IFNAR1: variants seen among roughly 807,000 people sequenced by gnomAD.
The protein encoded by IFNAR1 is interferon alpha/beta receptor 1.
Under a neutral mutation model 62.1 loss-of-function variants are expected in IFNAR1, and 47 were observed. That is an observed-to-expected ratio of 0.76 (90% CI 0.60 to 0.97). The LOEUF is 0.97. Among genes scored for constraint, IFNAR1 ranks in the 50% least tolerant of loss-of-function variants. The pLI, the probability that IFNAR1 is intolerant of heterozygous loss-of-function variation, is 0.00. For synonymous variants in IFNAR1, 219 were observed against 226.9 expected (o/e 0.97, Z 0.31); for missense variants, 638 against 654.5 (o/e 0.97, Z 0.27).
rs2083441997 is a variant in IFNAR1 at position 33,355,765 on chromosome 21, C to T, written c.*216C>T. On this transcript the variant is annotated 3_prime_UTR_variant, in exon 11 of 11. Coordinates refer to ENST00000270139, the MANE Select transcript of IFNAR1 (RefSeq NM_000629.3). Reference sequence around the variant, plus strand: ...GGGCACGGTGGCTCACACCTGTAATCCCAGCACTTTGGGAGGCTGAGGCAG... The same window carrying T: ...GGGCACGGTGGCTCACACCTGTAATTCCAGCACTTTGGGAGGCTGAGGCAG... The T allele has an allele frequency of 7.9e-6, 2 of 254,742 alleles. No individual in the cohort carries two copies. The highest frequency in any genetic ancestry group is 1.0e-4 in the Admixed American group (2 of 19,658). The allele number at this position is 254,742 out of a possible 1,614,324, so 15.8% of individuals were successfully genotyped here.
chr21:33,343,259 T>C lies in IFNAR1; in HGVS notation c.377-9T>C. 6.2e-7 allele frequency: 1 copy of C among 1,606,434 alleles called. No homozygotes were observed. Among genetic ancestry groups the C allele is most frequent in the South Asian group, 1.1e-5 (1 of 89,410 alleles). Reference sequence around the variant, plus strand: ...AAGTTCCATAGTAATTGTTTTGATTTTTTTGCAGCTCAGATTGGTCCTCCA... The same window carrying C: ...AAGTTCCATAGTAATTGTTTTGATTCTTTTGCAGCTCAGATTGGTCCTCCA... On this transcript the variant is annotated splice_polypyrimidine_tract_variant and intron_variant, in intron 3 of 10. Transcript: ENST00000270139.
At position 33,352,878 on chromosome 21, in the gene IFNAR1, A is replaced by C. The variant is rs746291558; in HGVS notation, c.1264A>C (p.Ser422Arg). 126 of 1,601,706 alleles carry C rather than the reference A, an allele frequency of 7.9e-5. 2 individuals are homozygous for C. In the South Asian group the frequency reaches 1.3e-3, roughly 17 times the overall value. The change falls in exon 9 of 11, where the codon AGT becomes CGT. Residue 422 changes from serine (S) to arginine (R), a missense_variant. Physicochemically the swap from Ser to Arg is moderately radical, Grantham distance 110. Transcript: ENST00000270139. ...AAAGCTGAATAAAAGCAGTGTTTTT[A>C]GTGACGCTGTATGTGAGAAAACAAA... ...DEKLNKSSVF[S>R]DAVCEKTKPG...
At chr21:33,325,226 C>G in intron 1 of IFNAR1, 95 bp downstream of exon 1, 1 of 1,083,520 alleles carries the variant, frequency 9.2e-7, no homozygotes, top group South Asian at 1.3e-5. Context: ...CGACAGACGC[C>G]CAGTCTGGGA....
In IFNAR1 at chr21:33,333,614, A is replaced by ATTTTTTTTTT. The variant is rs59240203; in HGVS notation, c.77-1908_77-1899dup. On this transcript the variant is annotated intron_variant, in intron 1 of 10. Transcript: ENST00000270139. ...CCATACTTAAAGAGACTGGCGGAATATTTTTTTTTTTCTTTTTTTTTTTTT... is the reference window on the plus strand; with the variant it reads ...CCATACTTAAAGAGACTGGCGGAATATTTTTTTTTTTTTTTTTTTTTCTTTTTTTTTTTTT... Among the ~76,000 whole-genome samples the ATTTTTTTTTT allele has an allele frequency of 2.4e-4, 26 of 106,966 alleles. 1 individual carries two copies. Among genetic ancestry groups the ATTTTTTTTTT allele is most frequent in the African/African-American group, 6.6e-4 (16 of 24,418 alleles). 70.2% of individuals were successfully genotyped at this position (106,966 alleles called of 152,430 possible). A position where few individuals can be genotyped will look rare whatever the true frequency, so the allele number is the denominator to read the frequency against.
chr21:33,338,012 A>G (rs1341985107), intron 2 of IFNAR1, among the ~76,000 whole-genome samples: 1 of 152,210 alleles, frequency 6.6e-6, no homozygotes, highest in Non-Finnish European at 1.5e-5. Context: ...TTTGCAAAAT[A>G]TGCATCCAAC....
chr21:33,349,404 C>T lies in IFNAR1; in HGVS notation c.1004C>T (p.Pro335Leu), dbSNP rs1379540543. ...DTEIQAFLLP[P>L]VFNIRSLSDS... ...TTTTTTCTAGCTTTCCTACTTCCTC[C>T]AGTCTTTAACATTAGATCCCTTAGT... is the stretch of plus-strand genomic sequence containing the variant. The change falls in exon 8 of 11, where the codon CCA (proline) becomes CTA (leucine). Residue 335 changes from proline to leucine, a missense_variant. Coordinates refer to ENST00000270139, the MANE Select transcript of IFNAR1 (RefSeq NM_000629.3). 4.4e-6 allele frequency: 7 copies of T among 1,593,502 alleles called. No individual in the cohort carries two copies. Among genetic ancestry groups the T allele is most frequent in the Non-Finnish European group, 8.5e-7 (1 of 1,173,248 alleles).
upstream of IFNAR1, chr21:33,324,520 C>G (rs1366308172): frequency 6.4e-6 from 1 of 156,904 alleles, no homozygotes; most frequent in Non-Finnish European, 1.4e-5. Flanking sequence ...AGCAAGCGCC[C>G]CGGGCGGAGA....
At chr21:33,348,822 A>T (rs1435874011) in intron 6 of IFNAR1, among the ~76,000 whole-genome samples, 2 of 152,166 alleles carry the variant, frequency 1.3e-5, no homozygotes, top group East Asian at 1.9e-4. Context: ...GCCAAAAAAA[A>T]TAAACCAGCT....
intron 2 of IFNAR1, among the ~76,000 whole-genome samples, chr21:33,340,505 T>C (rs1459665270): frequency 1.3e-5 from 2 of 151,588 alleles, no homozygotes; most frequent in African/African-American, 2.4e-5. Context: ...ACTGTGGGCA[T>C]GTGCCACCAT....
intron 2 of IFNAR1, among the ~76,000 whole-genome samples, chr21:33,336,006 C>G (rs2083230976): frequency 6.8e-6 from 1 of 146,870 alleles, no homozygotes; most frequent in South Asian, 2.2e-4. Flanking sequence ...ATGTGCCATG[C>G]TGGTGCGCTG....
intron 10 of IFNAR1, among the ~76,000 whole-genome samples, chr21:33,354,198 C>T (rs749194974): frequency 9.9e-5 from 15 of 152,084 alleles, no homozygotes; most frequent in Admixed American, 6.6e-4. Context: ...TAAAATTAGC[C>T]GGGCGTGGTG....
At chr21:33,334,605 C>T (rs1244931127) in intron 1 of IFNAR1, 2 of 616,830 alleles carry the variant, frequency 3.2e-6, no homozygotes, top group Non-Finnish European at 6.2e-6. Flanking sequence ...AATGAAAGGG[C>T]ACTAGACAGA....
rs59240203 is a variant in IFNAR1 at position 33,333,614 on chromosome 21, A to ATTTTTTTTTTTTTTTTTTTTT, written c.77-1899_77-1898insTTTTTTTTTTTTTTTTTTTTT. 1.7e-3 allele frequency among the ~76,000 whole-genome samples: 179 copies of ATTTTTTTTTTTTTTTTTTTTT among 106,950 alleles called. 17 individuals carry two copies. The highest frequency in any genetic ancestry group is 5.1e-3 in the African/African-American group (125 of 24,416). 70.2% of individuals were successfully genotyped at this position (106,950 alleles called of 152,430 possible). On this transcript the variant is annotated intron_variant, in intron 1 of 10. Coordinates refer to ENST00000270139, the MANE Select transcript of IFNAR1 (RefSeq NM_000629.3). ...CCATACTTAAAGAGACTGGCGGAAT[A>ATTTTTTTTTTTTTTTTTTTTT]TTTTTTTTTTTCTTTTTTTTTTTTT...
rs771309834 is a variant in IFNAR1, at chr21:33,353,780, T to A, written c.1437T>A (p.Asp479Glu). 13 of 1,558,764 alleles carry A rather than the reference T, an allele frequency of 8.3e-6. No homozygotes were observed. The highest frequency in any genetic ancestry group is 1.4e-5 in the African/African-American group (1 of 71,728). Residue 479 changes from aspartate (D) to glutamate (E), a missense_variant, in exon 10 of 11, where the codon GAT (aspartate) becomes GAA (glutamate). By Grantham distance (45) the Asp-to-Glu change is conservative. Coordinates refer to ENST00000270139, the MANE Select transcript of IFNAR1 (RefSeq NM_000629.3). ...FPSLKPSSSI[D>E]EYFSEQPLKN... ...CACTTAAACCTTCTTCCAGTATAGA[T>A]GAGGTATGTTACTTTTTTTATTTTT...
rs1453366530 is a variant in IFNAR1, at chr21:33,345,233, C to T, written c.674-13C>T. 3.1e-6 allele frequency: 4 copies of T among 1,288,134 alleles called. No homozygotes were observed. Among genetic ancestry groups the T allele is most frequent in the South Asian group, 2.4e-5 (2 of 81,908 alleles). The allele number at this position is 1,288,134 out of a possible 1,614,324, so 79.8% of individuals were successfully genotyped here. ...AAATGTGTGCTTTTTTTTATCTGTT[C>T]TTTGGCTTCTAGTTGAAAATGAACT... On this transcript the variant is annotated splice_polypyrimidine_tract_variant and intron_variant, in intron 5 of 10. Coordinates refer to ENST00000270139, the MANE Select transcript of IFNAR1 (RefSeq NM_000629.3).
Position 33,329,095 on chromosome 21 carries a change from G to A in IFNAR1, c.76+3964G>A, listed in dbSNP as rs1015557551. Among the ~76,000 whole-genome samples, 9 of 152,242 alleles carry A rather than the reference G, an allele frequency of 5.9e-5. No individual in the cohort carries two copies. The East Asian group carries it at 1.5e-3, about 26-fold the overall frequency. ...TTGTTGGTCTTCCAAATGCCAACAT[G>A]CCTGTAACTTCAGGGTCTCCTTCTT... is the stretch of plus-strand genomic sequence containing the variant. On this transcript the variant is annotated intron_variant, in intron 1 of 10. Coordinates refer to ENST00000270139, the MANE Select transcript of IFNAR1 (RefSeq NM_000629.3).
At position 33,335,613 on chromosome 21, in the gene IFNAR1, G is replaced by A. The variant is rs1218131188; in HGVS notation, c.166G>A (p.Val56Ile). 3.1e-6 allele frequency: 5 copies of A among 1,600,142 alleles called. No homozygotes were observed. Among genetic ancestry groups the A allele is most frequent in the Non-Finnish European group, 4.3e-6 (5 of 1,173,158 alleles). The change falls in exon 2 of 11, where the codon GTC becomes ATC. Residue 56 changes from valine (V) to isoleucine (I), a missense_variant. Val to Ile is a conservative substitution (Grantham distance 29, BLOSUM62 3). Coordinates refer to ENST00000270139, the MANE Select transcript of IFNAR1 (RefSeq NM_000629.3). ...ILRWNRSDES[V>I]GNVTFSFDYQ... is the part of the protein sequence containing the mutation. ...GAGGTGGAACAGGAGCGATGAGTCT[G>A]TCGGGAATGTGACTTTTTCATTCGA... is the stretch of plus-strand genomic sequence containing the variant.
intron 10 of IFNAR1, among the ~76,000 whole-genome samples, chr21:33,354,229 C>T (rs1345442203): frequency 6.6e-6 from 1 of 152,210 alleles, no homozygotes; most frequent in African/African-American, 2.4e-5. Context: ...GTAATCCCAG[C>T]TACTCGGGAG....
At chr21:33,354,359 T>A (rs972525512) in intron 10 of IFNAR1, among the ~76,000 whole-genome samples, 7 of 152,220 alleles carry the variant, frequency 4.6e-5, no homozygotes, top group African/African-American at 1.7e-4. Flanking sequence ...GTAAATAAAG[T>A]CTGTAATGTG....
Sources: allele counts gnomAD v4.1 joint callset (sites outside exome capture counted in the v4.1 genomes callset), GRCh38; gene constraint gnomAD v4.1.1; transcripts MANE v1.5; gene names NCBI Gene and HGNC (gene_info 2026-07-23, HGNC 2026-07-21).